Variants in POTEH observed in about 807,000 individuals in gnomAD.
POTEH encodes the protein ANKRD26-like family C member 3.
POTEH carries 6 observed loss-of-function variants against 41.7 expected under a neutral mutation model. That is an observed-to-expected ratio of 0.14 (90% confidence interval 0.08 to 0.28). The LOEUF is 0.28. POTEH is among the 10% of genes least tolerant of loss of function. The pLI is 1.00. For missense variants in POTEH, 115 were observed against 533.5 expected, an observed-to-expected ratio of 0.22 and a Z score of 7.73; for synonymous variants, 38 against 179.9, an observed-to-expected ratio of 0.21 and a Z score of 6.31.
At chr22:15,691,690 T>C (rs1989315655) in intron 1 of POTEH, among the ~76,000 whole-genome samples, 1 of 146,044 alleles carries the variant, frequency 6.8e-6, no homozygotes, top group Admixed American at 7.1e-5. Context: ...TTTCCAGATG[T>C]CAAAATGTGC....
At chr22:15,713,504 A>ATT (rs67813451) in intron 9 of POTEH, among the ~76,000 whole-genome samples, 9 of 84,440 alleles carry the variant, frequency 1.1e-4, no homozygotes, top group African/African-American at 2.0e-4. Flanking sequence ...TTCTCATGAC[A>ATT]TTTTTTTTTT....
intron 7 of POTEH, among the ~76,000 whole-genome samples, chr22:15,708,522 A>C (rs1989729718): frequency 1.7e-5 from 2 of 115,874 alleles, no homozygotes; most frequent in African/African-American, 7.4e-5. Flanking sequence ...TCAAAAAAAA[A>C]AAAAAAAAAA....
At chr22:15,708,216 CTTTTT>C in intron 7 of POTEH, 126 bp downstream of exon 7, 1 of 326,960 alleles carries the variant, frequency 3.1e-6, no homozygotes, top group Non-Finnish European at 4.0e-6. Flanking sequence ...TCAATAGATT[CTTTTT>C]TTAAGAATCT....
chr22:15,692,943 A>G (rs1331363193), intron 1 of POTEH, among the ~76,000 whole-genome samples: 1 of 124,816 alleles, frequency 8.0e-6, no homozygotes, highest in South Asian at 2.4e-4. Flanking sequence ...TATCTTCACC[A>G]AATAGATGTC....
intron 9 of POTEH, among the ~76,000 whole-genome samples, chr22:15,718,858 A>G (rs1474083691): frequency 3.4e-5 from 5 of 149,250 alleles, no homozygotes; most frequent in African/African-American, 7.4e-5. Context: ...TCATACACAG[A>G]TAAAATTAAT....
chr22:15,699,645 C>T (rs1331095741), intron 4 of POTEH: 1 of 234,756 alleles, frequency 4.3e-6, no homozygotes, highest in African/African-American at 2.3e-5. Flanking sequence ...ACTCCTGTGA[C>T]TACTATTCTT....
intron 9 of POTEH, among the ~76,000 whole-genome samples, chr22:15,719,293 T>C (rs1989976290): frequency 6.6e-6 from 1 of 152,294 alleles, no homozygotes; most frequent in Non-Finnish European, 1.5e-5. Context: ...CACCCCCAGA[T>C]GGGACCATCT....
intron 6 of POTEH, among the ~76,000 whole-genome samples, chr22:15,704,080 A>G (rs1485554712): frequency 4.0e-5 from 6 of 151,178 alleles, no homozygotes; most frequent in African/African-American, 1.2e-4. Flanking sequence ...GCTTATAATT[A>G]TGATTTATTA....
At chr22:15,713,355 C>G (rs546256778) in intron 9 of POTEH, among the ~76,000 whole-genome samples, 8 of 152,388 alleles carry the variant, frequency 5.2e-5, no homozygotes, top group African/African-American at 1.9e-4. Flanking sequence ...GGCGTCTTCA[C>G]TTGGCTTTCA....
intron 9 of POTEH, among the ~76,000 whole-genome samples, chr22:15,714,050 A>G (rs1989878870): frequency 6.6e-6 from 1 of 152,084 alleles, no homozygotes; most frequent in Non-Finnish European, 1.5e-5. Context: ...ACTTTGGTTA[A>G]TGGCAACTCT....
intron 1 of POTEH, among the ~76,000 whole-genome samples, chr22:15,692,128 C>G (rs1202244423): frequency 7.7e-6 from 1 of 129,808 alleles, no homozygotes; most frequent in African/African-American, 2.7e-5. Flanking sequence ...CTTCAGCCTA[C>G]TGAGTAGCTG....
intron 1 of POTEH, among the ~76,000 whole-genome samples, chr22:15,692,778 C>A (rs113821875): frequency 0.012 from 1,424 of 120,070 alleles, 111 homozygotes; most frequent in African/African-American, 0.043. Context: ...GCATGAAATA[C>A]TGTTTTCTAT....
chr22:15,692,241 G>C (rs1467113737), intron 1 of POTEH, among the ~76,000 whole-genome samples: 6 of 140,898 alleles, frequency 4.3e-5, no homozygotes, highest in African/African-American at 1.3e-4. Context: ...TCCTGTCCTC[G>C]TGATCCACCC....
intron 6 of POTEH, among the ~76,000 whole-genome samples, chr22:15,705,929 TAGATAA>T (rs1989662660): frequency 6.6e-6 from 1 of 152,300 alleles, no homozygotes; most frequent in African/African-American, 2.4e-5. Context: ...ATGAACTTAA[TAGATAA>T]AGATGAATAT....
At chr22:15,692,008 AAATTTCTTT>A (rs1989330819) in intron 1 of POTEH, among the ~76,000 whole-genome samples, 1 of 115,490 alleles carries the variant, frequency 8.7e-6, no homozygotes, top group Non-Finnish European at 1.9e-5. Flanking sequence ...ATATATATAT[AAATTTCTTT>A]TTTTTTTTGA....
chr22:15,696,724 A>T (rs1989437920), intron 3 of POTEH, among the ~76,000 whole-genome samples: 1 of 95,664 alleles, frequency 1.0e-5, no homozygotes, highest in African/African-American at 3.2e-5. Flanking sequence ...AATGAGTAAC[A>T]AGATCAAGTT....
At chr22:15,691,351 G>T (rs1458241570) in intron 1 of POTEH, among the ~76,000 whole-genome samples, 1 of 128,332 alleles carries the variant, frequency 7.8e-6, no homozygotes. Flanking sequence ...GTGAAACCCC[G>T]TCTCTACTAA....
intron 4 of POTEH, chr22:15,699,695 A>G (rs1989522212): frequency 1.2e-5 from 3 of 246,558 alleles, no homozygotes; most frequent in Non-Finnish European, 2.3e-5. Context: ...GCATGCAGAG[A>G]GCTCTTAGTT....
chr22:15,699,162 G>T (rs1989506052), intron 4 of POTEH, among the ~76,000 whole-genome samples: 2 of 144,426 alleles, frequency 1.4e-5, no homozygotes, highest in Non-Finnish European at 3.0e-5. Context: ...CATAAATAGG[G>T]GTTGAAAATC....
Sources: allele counts gnomAD v4.1 joint callset (sites outside exome capture counted in the v4.1 genomes callset), GRCh38; gene constraint gnomAD v4.1.1; transcripts MANE v1.5; gene names NCBI Gene and HGNC (gene_info 2026-07-23, HGNC 2026-07-21).